Variants in AFAP1L2 observed in about 807,000 individuals in gnomAD.
The protein encoded by AFAP1L2 is actin filament-associated protein 1-like 2.
Under a neutral mutation model 99.3 loss-of-function variants are expected in AFAP1L2, and 46 were observed. The ratio of observed to expected loss-of-function variants is 0.46; its 90% CI spans 0.37 to 0.59. The LOEUF is 0.59. Among genes scored for constraint, AFAP1L2 ranks in the 20% least tolerant of loss-of-function variants. The pLI, the probability that AFAP1L2 is intolerant of heterozygous loss-of-function variation, is 0.00. For missense variants in AFAP1L2, 959 were observed against 1,034.9 expected (o/e 0.93, Z 1.01); for synonymous variants, 397 against 419.1 (o/e 0.95, Z 0.64).
intron 1 of AFAP1L2, among the ~76,000 whole-genome samples, chr10:114,344,111 G>A (rs1224163634): frequency 6.6e-6 from 1 of 152,166 alleles, no homozygotes; most frequent in African/African-American, 2.4e-5. Context: ...TGAAGTCCAC[G>A]AGCATTGACT....
chr10:114,327,398 C>T lies in AFAP1L2; in HGVS notation c.316-4137G>A, dbSNP rs190111941. 2.8e-3 allele frequency among the ~76,000 whole-genome samples: 423 copies of T among 151,692 alleles called. 2 individuals are homozygous for T. Among genetic ancestry groups the T allele is most frequent in the Non-Finnish European group, 5.0e-3 (341 of 67,912 alleles). On this transcript the variant is annotated intron_variant, in intron 4 of 18. Transcript: ENST00000304129. ...CAAACTCCTGACCTCAGGTGATCTG[C>T]CTGCCTCAGCCTCTCAAAGTGCTGG...
At chr10:114,394,211 C>A (rs747283296) in intron 1 of AFAP1L2, among the ~76,000 whole-genome samples, 8 of 152,182 alleles carry the variant, frequency 5.3e-5, no homozygotes, top group Non-Finnish European at 1.2e-4. Context: ...GATGTCATTT[C>A]TTGCAGCAGG....
chr10:114,319,053 C>T lies in AFAP1L2; in HGVS notation c.407-3288G>A, dbSNP rs569490022. Among the ~76,000 whole-genome samples the T allele has an allele frequency of 6.0e-4, 91 of 152,090 alleles. 1 individual carries two copies. In the South Asian group the frequency reaches 0.014, roughly 23 times the overall value. ...CCTGTAATCCCAGCTACTTGGGAGG[C>T]GGAGACAGGAGAATCCCTTGAACCT... On this transcript the variant is annotated intron_variant, in intron 5 of 18. Transcript: ENST00000304129.
intron 4 of AFAP1L2, among the ~76,000 whole-genome samples, chr10:114,324,729 C>T (rs1204563923): frequency 6.6e-6 from 1 of 152,130 alleles, no homozygotes; most frequent in African/African-American, 2.4e-5. Flanking sequence ...CACAGGCAGG[C>T]TGTGAGGTGG....
intron 1 of AFAP1L2, among the ~76,000 whole-genome samples, chr10:114,401,710 G>T (rs2058252089): frequency 6.6e-6 from 1 of 152,126 alleles, no homozygotes; most frequent in Non-Finnish European, 1.5e-5. Flanking sequence ...GTCTGGAAGT[G>T]TCTCTGCAAC....
At chr10:114,394,498 T>C (rs1393141966) in intron 1 of AFAP1L2, among the ~76,000 whole-genome samples, 4 of 152,120 alleles carry the variant, frequency 2.6e-5, no homozygotes, top group Non-Finnish European at 4.4e-5. Context: ...CCTCAGGTTC[T>C]CAGTGGGAAT....
chr10:114,285,053 G>GTTT, the AFAP1L2 span: 1 of 1,159,732 alleles, frequency 8.6e-7, no homozygotes, highest in Non-Finnish European at 1.2e-6. Context: ...CGCCCTTCCA[G>GTTT]CTGCTGGGTA....
chr10:114,376,353 C>T lies in AFAP1L2; in HGVS notation c.16+28087G>A, dbSNP rs149946215. The stretch of plus-strand genomic sequence containing the variant: ...ACAAATCAGTATGAAATGTCATCTA[C>T]ACTTAAGGACTTCCAATTTAGTGGG... On this transcript the variant is annotated intron_variant, in intron 1 of 18. Transcript: ENST00000304129. Among the ~76,000 whole-genome samples the T allele has an allele frequency of 8.5e-5, 13 of 152,324 alleles. No homozygotes were observed. In the East Asian group the frequency reaches 1.4e-3, roughly 16 times the overall value.
intron 11 of AFAP1L2, 71 bp from the exon 12 acceptor site, chr10:114,302,555 G>T: frequency 6.3e-7 from 1 of 1,591,320 alleles, no homozygotes; most frequent in Non-Finnish European, 8.6e-7. Flanking sequence ...TCCCCACCAG[G>T]CCATGACCGT....
At chr10:114,282,017 C>CTTTTTTTTTTTGTTTTT in the AFAP1L2 span, among the ~76,000 whole-genome samples, 1 of 119,662 alleles carries the variant, frequency 8.4e-6, no homozygotes, top group African/African-American at 3.2e-5. Context: ...CTTATGTTAC[C>CTTTTTTTTTTTGTTTTT]TTTTTTTTTT....
chr10:114,323,519 G>C (rs2045723624), intron 4 of AFAP1L2, among the ~76,000 whole-genome samples: 1 of 152,106 alleles, frequency 6.6e-6, no homozygotes, highest in Non-Finnish European at 1.5e-5. Context: ...GCAAAATGAG[G>C]CTCAAGCCCC....
At chr10:114,306,902 G>C (rs1428802323) in intron 10 of AFAP1L2, among the ~76,000 whole-genome samples, 1 of 152,132 alleles carries the variant, frequency 6.6e-6, no homozygotes, top group African/African-American at 2.4e-5. Flanking sequence ...GGCTGGAGAA[G>C]CCGGAGAATG....
chr10:114,379,777 GT>G (rs1331595457), intron 1 of AFAP1L2, among the ~76,000 whole-genome samples: 1 of 152,190 alleles, frequency 6.6e-6, no homozygotes, highest in Non-Finnish European at 1.5e-5. Context: ...AACCCCAAGT[GT>G]TTGATAAGTC....
At chr10:114,378,560 G>A (rs1045139045) in intron 1 of AFAP1L2, among the ~76,000 whole-genome samples, 14 of 152,190 alleles carry the variant, frequency 9.2e-5, no homozygotes, top group Admixed American at 7.9e-4. Flanking sequence ...GAAATGGTCC[G>A]TCTCCCTCAA....
chr10:114,291,783 C>T (rs1477133317), downstream of AFAP1L2, among the ~76,000 whole-genome samples: 2 of 152,206 alleles, frequency 1.3e-5, no homozygotes, highest in East Asian at 3.8e-4. Context: ...TGAAAGGGGG[C>T]TTGAGGGACG....
Position 114,329,552 on chromosome 10 carries a change from T to C in AFAP1L2, c.315+2251A>G, listed in dbSNP as rs77744509. Among the ~76,000 whole-genome samples the C allele has an allele frequency of 6.1e-3, 934 of 152,186 alleles. 16 individuals carry two copies. The highest frequency in any genetic ancestry group is 0.022 in the African/African-American group (894 of 41,538). On this transcript the variant is annotated intron_variant, in intron 4 of 18. Coordinates refer to ENST00000304129, the MANE Select transcript of AFAP1L2 (RefSeq NM_001001936.3). ...TCAGAATCAGACGCTGGATTTAGGATAGAAAAGTTCCAGCCGTGGCTCAGA... is the reference window on the plus strand; with the variant it reads ...TCAGAATCAGACGCTGGATTTAGGACAGAAAAGTTCCAGCCGTGGCTCAGA...
At chr10:114,316,400 T>A (rs1000235314) in intron 5 of AFAP1L2, among the ~76,000 whole-genome samples, 1 of 152,116 alleles carries the variant, frequency 6.6e-6, no homozygotes, top group Non-Finnish European at 1.5e-5. Context: ...ACCTTCTTAC[T>A]CCCAAATACC....
chr10:114,317,445 A>T (rs1237752925), intron 5 of AFAP1L2, among the ~76,000 whole-genome samples: 1 of 152,342 alleles, frequency 6.6e-6, no homozygotes, highest in Non-Finnish European at 1.5e-5. Context: ...GACAACGTAA[A>T]TTAACACAGG....
chr10:114,353,862 G>A (rs568297164), intron 1 of AFAP1L2, among the ~76,000 whole-genome samples: 1 of 152,304 alleles, frequency 6.6e-6, no homozygotes, highest in Non-Finnish European at 1.5e-5. Context: ...GGTGGAAATG[G>A]AAGGGGGAAT....
Sources: gnomAD v4.1 joint callset for allele counts (sites outside exome capture counted in the v4.1 genomes callset) on GRCh38, gnomAD v4.1.1 for gene constraint, MANE v1.5 for transcripts, NCBI Gene and HGNC (gene_info 2026-07-23, HGNC 2026-07-21) for gene names.